SMCO2: variants seen among roughly 807,000 people sequenced by gnomAD.
SMCO2 encodes the protein single-pass membrane and coiled-coil domain-containing protein 2.
SMCO2 carries 25 observed loss-of-function variants against 29.5 expected under a neutral mutation model. The ratio of observed to expected loss-of-function variants is 0.85; its 90% CI spans 0.62 to 1.18. The LOEUF (loss-of-function observed/expected upper bound fraction) is 1.18. Among genes scored for constraint, SMCO2 ranks in the 50% most tolerant of loss-of-function variants. The pLI is 0.00. For missense variants in SMCO2, 348 were observed against 344.5 expected, an observed-to-expected ratio of 1.01 and a Z score of -0.08; for synonymous variants, 117 against 123.3, an observed-to-expected ratio of 0.95 and a Z score of 0.34.
the SMCO2 span, among the ~76,000 whole-genome samples, chr12:27,454,327 A>G: frequency 6.6e-6 from 1 of 152,226 alleles, no homozygotes. Context: ...ATGGGATTAC[A>G]TAATGAGTAT....
At chr12:27,473,056 A>G (rs1245821831) in intron 3 of SMCO2, 181 bp downstream of exon 3, 4 of 534,652 alleles carry the variant, frequency 7.5e-6, no homozygotes, top group Middle Eastern at 4.1e-4. Context: ...TTCCCACTGG[A>G]TGCTGCTGTT....
At chr12:27,431,954 T>C in the SMCO2 span, among the ~76,000 whole-genome samples, 4 of 152,196 alleles carry the variant, frequency 2.6e-5, no homozygotes, top group East Asian at 7.7e-4. Context: ...ATTATTCTGT[T>C]TATTGGATAG....
chr12:27,478,996 G>A lies in SMCO2; in HGVS notation c.362+4083G>A, dbSNP rs55802303. ...GGCAGGCAGAGTGAGTTGATTACCAGGCTCCTGGATAGCATGCTCAGGCAG... is the reference window on the plus strand; with the variant it reads ...GGCAGGCAGAGTGAGTTGATTACCAAGCTCCTGGATAGCATGCTCAGGCAG... On this transcript the variant is annotated intron_variant, in intron 4 of 7. Transcript: ENST00000298876. Among the ~76,000 whole-genome samples the A allele has an allele frequency of 2.8e-3, 431 of 152,288 alleles. 3 individuals are homozygous for A. The highest frequency in any genetic ancestry group is 0.024 in the Middle Eastern group (7 of 294).
At chr12:27,459,526 T>TATTA in the SMCO2 span, among the ~76,000 whole-genome samples, 1 of 152,150 alleles carries the variant, frequency 6.6e-6, no homozygotes, top group Non-Finnish European at 1.5e-5. Context: ...GTACTATGCT[T>TATTA]ATTACCTGGG....
At chr12:27,472,055 A>T (rs1949545223) in intron 2 of SMCO2, among the ~76,000 whole-genome samples, 1 of 152,184 alleles carries the variant, frequency 6.6e-6, no homozygotes, top group East Asian at 1.9e-4. Flanking sequence ...TAATAAAAAA[A>T]CTGATTGGAA....
the SMCO2 span, among the ~76,000 whole-genome samples, chr12:27,450,402 A>C: frequency 6.6e-6 from 1 of 151,628 alleles, no homozygotes; most frequent in African/African-American, 2.4e-5. Flanking sequence ...CTGTGTCCTC[A>C]TTACAAATGA....
the SMCO2 span, among the ~76,000 whole-genome samples, chr12:27,435,577 T>C: frequency 8.7e-5 from 13 of 149,230 alleles, no homozygotes; most frequent in Non-Finnish European, 1.6e-4. Context: ...CCTCTCTGTC[T>C]CTGTCTCTCT....
chr12:27,450,521 G>A, the SMCO2 span, among the ~76,000 whole-genome samples: 809 of 152,334 alleles, frequency 5.3e-3, 3 homozygotes, highest in African/African-American at 0.018. Context: ...ATGAGTGTAA[G>A]TTAACATTGA....
In SMCO2 at chr12:27,488,460, C is replaced by CT; in HGVS notation, c.365dup (p.Leu122PhefsTer13). The CT allele has an allele frequency of 6.6e-7, 1 of 1,525,788 alleles. No homozygotes were observed. The highest frequency in any genetic ancestry group is 8.8e-7 in the Non-Finnish European group (1 of 1,134,866). 94.5% of individuals were successfully genotyped at this position (1,525,788 alleles called of 1,614,324 possible). ...CCTTAGTATCTTGGTCTGTTTGCAG[C>CT]TTATTAAAAGACATGCTGACCCTGA... On this transcript the variant is annotated frameshift_variant and splice_region_variant, in exon 5 of 8. Transcript: ENST00000298876. LOFTEE classifies it high-confidence loss of function.
chr12:27,433,022 G>A, the SMCO2 span, among the ~76,000 whole-genome samples: 1,043 of 152,208 alleles, frequency 6.9e-3, 11 homozygotes, highest in African/African-American at 0.024. Context: ...CTACAGAATG[G>A]CCATTTATAA....
At chr12:27,491,138 A>G (rs1214473284) in intron 5 of SMCO2, among the ~76,000 whole-genome samples, 1 of 152,236 alleles carries the variant, frequency 6.6e-6, no homozygotes, top group Non-Finnish European at 1.5e-5. Context: ...TTAAAATAAT[A>G]TCACATATAT....
At chr12:27,488,814 G>T (rs775455000) in intron 5 of SMCO2, among the ~76,000 whole-genome samples, 14 of 152,264 alleles carry the variant, frequency 9.2e-5, no homozygotes, top group Admixed American at 3.3e-4. Context: ...CCTTAAGGGA[G>T]AATTGGTTTT....
At chr12:27,444,481 CA>C in the SMCO2 span, among the ~76,000 whole-genome samples, 1 of 152,142 alleles carries the variant, frequency 6.6e-6, no homozygotes, top group Non-Finnish European at 1.5e-5. Flanking sequence ...GCCATCAAAG[CA>C]AAAATAGACA....
chr12:27,428,924 C>G, the SMCO2 span, among the ~76,000 whole-genome samples: 1 of 146,424 alleles, frequency 6.8e-6, no homozygotes, highest in Non-Finnish European at 1.5e-5. Flanking sequence ...ACTTTGTTGA[C>G]TGAGCAATCA....
At chr12:27,475,211 A>G (rs368747052) in intron 4 of SMCO2, among the ~76,000 whole-genome samples, 1 of 152,196 alleles carries the variant, frequency 6.6e-6, no homozygotes, top group East Asian at 1.9e-4. Context: ...AACCATAATT[A>G]TCATTAAGAG....
the SMCO2 span, among the ~76,000 whole-genome samples, chr12:27,447,763 A>C: frequency 6.7e-6 from 1 of 150,232 alleles, no homozygotes; most frequent in Non-Finnish European, 1.5e-5. Flanking sequence ...TTTAGGCCTC[A>C]CTCCAGACCT....
At chr12:27,497,578 C>T (rs79075300) in intron 7 of SMCO2, 1 of 142,536 alleles carries the variant, frequency 7.0e-6, no homozygotes, top group Non-Finnish European at 1.5e-5. Flanking sequence ...CTTGTATCTA[C>T]AAAAAAAAAA....
intron 4 of SMCO2, 82 bp downstream of exon 5, chr12:27,475,813 A>G: frequency 7.7e-7 from 1 of 1,300,742 alleles, no homozygotes; most frequent in South Asian, 1.9e-5. Flanking sequence ...TGGGCTTAAG[A>G]TGATAAAGTC....
At chr12:27,432,346 C>T in the SMCO2 span, among the ~76,000 whole-genome samples, 131 of 152,012 alleles carry the variant, frequency 8.6e-4, no homozygotes, top group Middle Eastern at 6.8e-3. Context: ...AAGCACGTGT[C>T]GTACTTATTT....
Sources: allele counts gnomAD v4.1 joint callset (sites outside exome capture counted in the v4.1 genomes callset), GRCh38; gene constraint gnomAD v4.1.1; transcripts MANE v1.5; gene names NCBI Gene and HGNC (gene_info 2026-07-23, HGNC 2026-07-21).